The following GLI2 variants were observed in gnomAD, a reference collection of about 807,000 sequenced individuals.
GLI2 encodes the protein transcription activator GLI2.
In GLI2, 22 loss-of-function variants were observed where a neutral mutation model predicts 78.9. That is an observed-to-expected ratio of 0.28 (90% CI 0.20 to 0.40). The LOEUF is 0.40. Ranked by LOEUF, GLI2 falls within the 10% of genes least tolerant of loss-of-function variation. The probability of loss-of-function intolerance (pLI) is 1.00; values close to 1 mark genes in which losing one functional copy is unlikely to be tolerated. For missense variants in GLI2, 2,097 were observed against 2,213.2 expected (o/e 0.95, Z 1.05); for synonymous variants, 974 against 963.7 (o/e 1.01, Z -0.20).
chr2:120,765,314 A>G (rs533163317), intron 1 of GLI2, among the ~76,000 whole-genome samples: 1 of 152,326 alleles, frequency 6.6e-6, no homozygotes, highest in Non-Finnish European at 1.5e-5. Context: ...ACTTCTAAGG[A>G]CAGGGTCTCC....
At chr2:120,934,505 G>A (rs1027868633) in intron 3 of GLI2, among the ~76,000 whole-genome samples, 5 of 152,178 alleles carry the variant, frequency 3.3e-5, no homozygotes, top group African/African-American at 1.2e-4. Context: ...GGCAGTCACG[G>A]CCCAAGGCCA....
chr2:120,902,358 A>G (rs1476145793), intron 2 of GLI2, among the ~76,000 whole-genome samples: 1 of 152,168 alleles, frequency 6.6e-6, no homozygotes, highest in East Asian at 1.9e-4. Context: ...ATGGTGGTTA[A>G]TATTATAATA....
intron 1 of GLI2, among the ~76,000 whole-genome samples, chr2:120,794,580 G>A (rs1023273139): frequency 2.6e-5 from 4 of 152,030 alleles, no homozygotes; most frequent in Non-Finnish European, 4.4e-5. Flanking sequence ...CTGGTGAGGC[G>A]TGCGAGTGCT....
chr2:120,760,575 C>A (rs1683185046), intron 1 of GLI2, among the ~76,000 whole-genome samples: 2 of 152,168 alleles, frequency 1.3e-5, no homozygotes, highest in Admixed American at 6.5e-5. Flanking sequence ...TTTGAATCAT[C>A]ACCTGAGCTC....
chr2:120,914,095 A>G (rs73949970), intron 2 of GLI2, among the ~76,000 whole-genome samples: 97 of 152,376 alleles, frequency 6.4e-4, no homozygotes, highest in African/African-American at 2.3e-3. Flanking sequence ...GAGGAATGGC[A>G]TGGTCATCCT....
intron 2 of GLI2, among the ~76,000 whole-genome samples, chr2:120,834,691 C>A (rs891162216): frequency 6.6e-6 from 1 of 152,266 alleles, no homozygotes; most frequent in South Asian, 2.1e-4. Flanking sequence ...TTCTTGCAGA[C>A]CCCTTTGTTC....
chr2:120,990,257 A>G lies in GLI2; in HGVS notation c.4292A>G (p.Tyr1431Cys), dbSNP rs1279405733. The G allele has an allele frequency of 1.2e-6, 2 of 1,613,532 alleles. No homozygotes were observed. The highest frequency in any genetic ancestry group is 3.3e-5 in the Admixed American group (2 of 60,004). Residue 1431 changes from tyrosine (Y) to cysteine (C), a missense_variant, in exon 14 of 14, where the codon TAC becomes TGC. Tyr to Cys is a radical substitution (Grantham distance 194). Transcript: ENST00000361492. ...CCGGACCACAGCATGCTCTACTACT[A>G]CGGCCAGATCCACATGTACGAACAG... is the stretch of plus-strand genomic sequence containing the variant. ...GAPDHSMLYY[Y>C]GQIHMYEQDG...
chr2:120,943,232 G>T (rs751252328), intron 3 of GLI2, among the ~76,000 whole-genome samples: 1 of 152,186 alleles, frequency 6.6e-6, no homozygotes, highest in Non-Finnish European at 1.5e-5. Context: ...GGCACCTTGG[G>T]TGAGAGGTCC....
At chr2:120,901,408 A>G (rs1217188276) in intron 2 of GLI2, among the ~76,000 whole-genome samples, 4 of 152,226 alleles carry the variant, frequency 2.6e-5, no homozygotes, top group African/African-American at 9.6e-5. Context: ...CGTCCTTGGC[A>G]TTGATTTATC....
chr2:120,970,918 G>A (rs910776972), intron 7 of GLI2, among the ~76,000 whole-genome samples: 3 of 152,220 alleles, frequency 2.0e-5, no homozygotes, highest in African/African-American at 7.2e-5. Flanking sequence ...GTGGGTGAGT[G>A]AATCATTATA....
At chr2:120,832,753 G>A (rs1686425148) in intron 2 of GLI2, among the ~76,000 whole-genome samples, 1 of 152,190 alleles carries the variant, frequency 6.6e-6, no homozygotes, top group Non-Finnish European at 1.5e-5. Context: ...TGTGTGATGG[G>A]CAGGTCACGT....
chr2:120,820,004 C>G (rs1234476504), intron 2 of GLI2, among the ~76,000 whole-genome samples: 1 of 152,142 alleles, frequency 6.6e-6, no homozygotes, highest in Non-Finnish European at 1.5e-5. Flanking sequence ...GCACAGGCAG[C>G]AGGATGGCCA....
intron 2 of GLI2, among the ~76,000 whole-genome samples, chr2:120,833,304 G>T (rs1176800449): frequency 6.6e-6 from 1 of 151,828 alleles, no homozygotes; most frequent in East Asian, 1.9e-4. Context: ...GTTCCTAAGG[G>T]CTGTAACCCC....
intron 1 of GLI2, among the ~76,000 whole-genome samples, chr2:120,757,531 T>C (rs776506): frequency 0.69 from 104,592 of 152,152 alleles, 37,569 homozygotes; most frequent in African/African-American, 0.91. Context: ...CACTGGGCAC[T>C]CTTCCCTCTC....
intron 5 of GLI2, among the ~76,000 whole-genome samples, chr2:120,957,090 T>C (rs779608423): frequency 6.6e-6 from 1 of 152,158 alleles, no homozygotes; most frequent in Non-Finnish European, 1.5e-5. Flanking sequence ...ATCTTGAACA[T>C]CTCCTGCTTC....
rs552269316 is a variant in GLI2 at position 120,810,749 on chromosome 2, G to A, written c.148+13281G>A. ...CTCTGGCTCTCTGAAGCTACGTGGC[G>A]TTCTGGTCCTCCGTAACTCAGAAGT... On this transcript the variant is annotated intron_variant, in intron 2 of 13. Transcript: ENST00000361492. 3.2e-4 allele frequency among the ~76,000 whole-genome samples: 49 copies of A among 152,358 alleles called. No individual in the cohort carries two copies. The South Asian group carries it at 1.0e-2, about 31-fold the overall frequency.
intron 1 of GLI2, among the ~76,000 whole-genome samples, chr2:120,795,741 C>T (rs961720173): frequency 5.3e-5 from 8 of 152,024 alleles, no homozygotes; most frequent in African/African-American, 1.7e-4. Flanking sequence ...GCTATCTTCC[C>T]CACCACCTTC....
chr2:120,920,096 C>G (rs17005394), intron 2 of GLI2, among the ~76,000 whole-genome samples: 1 of 152,228 alleles, frequency 6.6e-6, no homozygotes, highest in African/African-American at 2.4e-5. Context: ...AATTCCCTCC[C>G]GCAGTCTTGA....
At chr2:120,860,942 C>T (rs547547950) in intron 2 of GLI2, among the ~76,000 whole-genome samples, 139 of 152,242 alleles carry the variant, frequency 9.1e-4, no homozygotes, top group African/African-American at 3.2e-3. Context: ...ATTAGAGATC[C>T]GTTATGGCCA....
Sources: allele counts gnomAD v4.1 joint callset (sites outside exome capture counted in the v4.1 genomes callset), GRCh38; gene constraint gnomAD v4.1.1; transcripts MANE v1.5; gene names NCBI Gene and HGNC (gene_info 2026-07-23, HGNC 2026-07-21).